NCKAP1: variants seen among roughly 807,000 people sequenced by gnomAD.
NCKAP1 encodes the protein NCK associated protein 1, also known as nck-associated protein 1.
A neutral mutation model predicts 151.2 loss-of-function variants in NCKAP1; 21 were observed. The ratio of observed to expected loss-of-function variants is 0.14; its 90% CI spans 0.10 to 0.20. NCKAP1 has a LOEUF of 0.20. Ranked by LOEUF, NCKAP1 falls within the 10% of genes least tolerant of loss-of-function variation. The pLI, the probability that NCKAP1 is intolerant of heterozygous loss-of-function variation, is 1.00. For missense variants in NCKAP1, 933 were observed against 1,352.1 expected (o/e 0.69, Z 4.86); for synonymous variants, 484 against 451.8 (o/e 1.07, Z -0.90).
Position 182,957,435 on chromosome 2 carries a change from TATAA to T in NCKAP1, c.2021+18_2021+21del. Reference sequence around the variant, plus strand: ...AAATATTTTACCTGGAGCAAAAAGGTATAATATAAGTGGATACTTACTTGGTCAC... The same window carrying T: ...AAATATTTTACCTGGAGCAAAAAGGTTATAAGTGGATACTTACTTGGTCAC... On this transcript the variant is annotated intron_variant, in intron 19 of 30. Coordinates refer to ENST00000361354, the MANE Select transcript of NCKAP1 (RefSeq NM_013436.5). The T allele has an allele frequency of 6.3e-7, 1 of 1,598,088 alleles. No homozygotes were observed. The highest frequency in any genetic ancestry group is 8.5e-7 in the Non-Finnish European group (1 of 1,175,806).
intron 1 of NCKAP1, chr2:183,024,896 T>C (rs1009228676): frequency 4.7e-6 from 7 of 1,488,696 alleles, no homozygotes; most frequent in African/African-American, 2.8e-5. Flanking sequence ...ATGTTGTGGA[T>C]TGCAGAAAGA....
intron 20 of NCKAP1, 36 bp from the exon 21 acceptor site, chr2:182,953,367 T>C (rs749740811): frequency 6.9e-7 from 1 of 1,445,952 alleles, no homozygotes; most frequent in East Asian, 2.3e-5. Flanking sequence ...GAAAAGCCTC[T>C]GACTTTTCCA....
intron 23 of NCKAP1, among the ~76,000 whole-genome samples, chr2:182,943,337 CATT>C (rs1235594695): frequency 1.3e-5 from 2 of 151,980 alleles, no homozygotes; most frequent in Non-Finnish European, 2.9e-5. Context: ...TTTTTGAAAA[CATT>C]AGTATAAGTT....
chr2:183,031,708 A>G, intron 1 of NCKAP1, among the ~76,000 whole-genome samples: 1 of 152,138 alleles, frequency 6.6e-6, no homozygotes, highest in East Asian at 1.9e-4. Context: ...CTATGGATTC[A>G]CTCATTTAAT....
chr2:182,989,872 C>A (rs1468556547), intron 8 of NCKAP1, among the ~76,000 whole-genome samples: 1 of 151,894 alleles, frequency 6.6e-6, no homozygotes, highest in East Asian at 1.9e-4. Flanking sequence ...TGTTGGTGCG[C>A]CCAGCTATTC....
Position 182,962,009 on chromosome 2 carries a change from T to C in NCKAP1, c.1881+150A>G, listed in dbSNP as rs757001399. 34 of 713,376 alleles carry C rather than the reference T, an allele frequency of 4.8e-5. 1 individual carries two copies. The highest frequency in any genetic ancestry group is 6.6e-5 in the Non-Finnish European group (30 of 454,298). The allele number at this position is 713,376 out of a possible 1,614,324, so 44.2% of individuals were successfully genotyped here. A position where few individuals can be genotyped will look rare whatever the true frequency, so the allele number is the denominator to read the frequency against. ...CAGAAAGTTTACATCTAAGAAATTA[T>C]ACCTGTTAATGGAGTTTCACAGCAG... On this transcript the variant is annotated intron_variant, in intron 18 of 30. Coordinates refer to ENST00000361354, the MANE Select transcript of NCKAP1 (RefSeq NM_013436.5).
At chr2:182,990,759 C>G (rs1395701342) in intron 8 of NCKAP1, among the ~76,000 whole-genome samples, 11 of 152,208 alleles carry the variant, frequency 7.2e-5, no homozygotes, top group Admixed American at 7.2e-4. Context: ...TATCTTGACA[C>G]TTTAACATAA....
At chr2:182,967,383 AAG>A (rs1008981474) in intron 15 of NCKAP1, 22 bp from the exon 16 acceptor site, 6 of 1,577,486 alleles carry the variant, frequency 3.8e-6, no homozygotes, top group Non-Finnish European at 5.1e-6. Flanking sequence ...AAAAAAAAAA[AAG>A]TAGTTCAGGT....
chr2:183,019,103 T>C (rs1698748420), intron 2 of NCKAP1, among the ~76,000 whole-genome samples: 1 of 152,200 alleles, frequency 6.6e-6, no homozygotes, highest in Admixed American at 6.5e-5. Flanking sequence ...CTAGAATCCC[T>C]ATATCACTCC....
rs1575058218 is a variant in NCKAP1 at position 183,001,509 on chromosome 2, TGAAG to T, written c.603+440_603+443del. Among the ~76,000 whole-genome samples, 5 of 152,250 alleles carry T rather than the reference TGAAG, an allele frequency of 3.3e-5. No homozygotes were observed. In the South Asian group the frequency reaches 6.2e-4, roughly 19 times the overall value. On this transcript the variant is annotated intron_variant, in intron 6 of 30. Coordinates refer to ENST00000361354, the MANE Select transcript of NCKAP1 (RefSeq NM_013436.5). ...ATTTATCAAACACTGTACTTTTTAA[TGAAG>T]TAATTCATTTAATTCTCATAAGAAC... is the stretch of plus-strand genomic sequence containing the variant.
At chr2:182,971,870 A>G (rs1697704092) in intron 15 of NCKAP1, among the ~76,000 whole-genome samples, 1 of 152,174 alleles carries the variant, frequency 6.6e-6, no homozygotes, top group African/African-American at 2.4e-5. Flanking sequence ...ATGTAAAGGA[A>G]TGAAACTAGA....
At chr2:182,985,694 G>A (rs1471848121) in intron 10 of NCKAP1, among the ~76,000 whole-genome samples, 1 of 151,226 alleles carries the variant, frequency 6.6e-6, no homozygotes, top group African/African-American at 2.4e-5. Context: ...TCCCAGTGAC[G>A]CAGGAGGCTG....
intron 6 of NCKAP1, among the ~76,000 whole-genome samples, chr2:182,999,809 C>T (rs1698343923): frequency 1.3e-5 from 2 of 152,126 alleles, no homozygotes; most frequent in African/African-American, 4.8e-5. Context: ...CACCACGGAA[C>T]ACTATGCAGC....
chr2:182,980,556 T>A (rs1697916298), intron 13 of NCKAP1, among the ~76,000 whole-genome samples: 2 of 152,008 alleles, frequency 1.3e-5, no homozygotes, highest in Non-Finnish European at 2.9e-5. Context: ...AATAAAAAGT[T>A]TTTTAAATTT....
chr2:183,004,049 T>G (rs1698421018), intron 2 of NCKAP1, among the ~76,000 whole-genome samples: 1 of 152,198 alleles, frequency 6.6e-6, no homozygotes, highest in South Asian at 2.1e-4. Flanking sequence ...CCCTATAAGA[T>G]TCTCAGAATT....
chr2:182,975,209 A>AG (rs1473953286), intron 15 of NCKAP1, among the ~76,000 whole-genome samples: 4 of 152,214 alleles, frequency 2.6e-5, no homozygotes, highest in African/African-American at 9.6e-5. Flanking sequence ...TTAAAAACAA[A>AG]GAGGTGTCAA....
chr2:182,933,293 A>C (rs1335843838), intron 26 of NCKAP1, among the ~76,000 whole-genome samples: 1 of 152,186 alleles, frequency 6.6e-6, no homozygotes, highest in Admixed American at 6.5e-5. Context: ...AGCTCACAGA[A>C]TACCATATAA....
At chr2:182,942,926 G>C (rs1469864408) in intron 23 of NCKAP1, among the ~76,000 whole-genome samples, 1 of 152,132 alleles carries the variant, frequency 6.6e-6, no homozygotes, top group Admixed American at 6.5e-5. Context: ...ACAACAAAGA[G>C]AGAAGTGAGA....
At chr2:183,014,640 G>T (rs1047594511) in intron 2 of NCKAP1, among the ~76,000 whole-genome samples, 8 of 152,226 alleles carry the variant, frequency 5.3e-5, no homozygotes, top group Admixed American at 3.3e-4. Context: ...ATAAAAGAAA[G>T]TAAGTACTCT....
Sources: allele counts gnomAD v4.1 joint callset (sites outside exome capture counted in the v4.1 genomes callset), GRCh38; gene constraint gnomAD v4.1.1; transcripts MANE v1.5; gene names NCBI Gene and HGNC (gene_info 2026-07-23, HGNC 2026-07-21).